SERINC3: variants seen among roughly 807,000 people sequenced by gnomAD.
SERINC3 encodes the protein serine incorporator 3, also known as tumor differentially expressed protein 1.
A neutral mutation model predicts 52.1 loss-of-function variants in SERINC3; 22 were observed. That is an observed-to-expected ratio of 0.42 (90% CI 0.30 to 0.60). The LOEUF (loss-of-function observed/expected upper bound fraction) is 0.60. SERINC3 is among the 20% of genes least tolerant of loss of function. SERINC3 has a pLI of 0.16. For missense variants in SERINC3, 564 were observed against 584.6 expected (o/e 0.96, Z 0.36); for synonymous variants, 226 against 212.7 (o/e 1.06, Z -0.54).
intron 6 of SERINC3, among the ~76,000 whole-genome samples, chr20:44,505,697 C>T (rs773424053): frequency 6.6e-6 from 1 of 152,024 alleles, no homozygotes; most frequent in Non-Finnish European, 1.5e-5. Flanking sequence ...CTCCAGGGTT[C>T]AGGCTATTCT....
chr20:44,516,309 A>G (rs1271630295), intron 1 of SERINC3, among the ~76,000 whole-genome samples: 2 of 152,178 alleles, frequency 1.3e-5, no homozygotes, highest in East Asian at 3.9e-4. Flanking sequence ...CTCAAAAAAA[A>G]AGAGTAACCT....
At chr20:44,511,213 C>T in intron 4 of SERINC3, 76 bp downstream of exon 4, 1 of 1,117,240 alleles carries the variant, frequency 9.0e-7, no homozygotes, top group South Asian at 1.3e-5. Context: ...TGCACCCGGC[C>T]TAAAATGTAG....
At chr20:44,515,106 C>A (rs2064372013) in intron 1 of SERINC3, among the ~76,000 whole-genome samples, 1 of 152,184 alleles carries the variant, frequency 6.6e-6, no homozygotes, top group African/African-American at 2.4e-5. Flanking sequence ...GTAATCCCAG[C>A]ACTTTGGGAG....
intron 1 of SERINC3, among the ~76,000 whole-genome samples, chr20:44,516,387 TTTTTC>T (rs905249914): frequency 1.3e-5 from 2 of 152,088 alleles, no homozygotes; most frequent in African/African-American, 4.8e-5. Flanking sequence ...TTTATTTCTT[TTTTTC>T]TTTTCTTTCT....
At chr20:44,515,318 C>T (rs768992245) in intron 1 of SERINC3, among the ~76,000 whole-genome samples, 1 of 152,178 alleles carries the variant, frequency 6.6e-6, no homozygotes, top group African/African-American at 2.4e-5. Context: ...CATGCCACTG[C>T]ACTCCAGCCT....
intron 3 of SERINC3, among the ~76,000 whole-genome samples, chr20:44,512,450 T>C (rs2064354117): frequency 6.6e-6 from 1 of 152,094 alleles, no homozygotes; most frequent in African/African-American, 2.4e-5. Context: ...ACTGTTTAAA[T>C]TTATCAGGTA....
intron 8 of SERINC3, among the ~76,000 whole-genome samples, chr20:44,502,104 C>G (rs2064283508): frequency 6.6e-6 from 1 of 152,174 alleles, no homozygotes; most frequent in Non-Finnish European, 1.5e-5. Flanking sequence ...TTCTATCCAA[C>G]AATGTAGTAA....
At position 44,522,026 on chromosome 20, in the gene SERINC3, T is replaced by G. The variant is rs561519604; in HGVS notation, c.-75A>C. On this transcript the variant is annotated 5_prime_UTR_variant, in exon 1 of 10. Transcript: ENST00000342374. The stretch of plus-strand genomic sequence containing the variant: ...GGTGGTAACTGCCAGCTGAGGTGAC[T>G]CCCCAGAAACATGACGGTTTCTCAG... 3.4e-6 allele frequency: 5 copies of G among 1,450,288 alleles called. No homozygotes were observed. In the South Asian group the frequency reaches 3.7e-5, roughly 11 times the overall value. The allele number at this position is 1,450,288 out of a possible 1,614,324, so 89.8% of individuals were successfully genotyped here.
At position 44,501,144 on chromosome 20, in the gene SERINC3, G is replaced by C. The variant is rs2064277147; in HGVS notation, c.1212C>G (p.Ser404Arg). Residue 404 changes from serine to arginine, a missense_variant, in exon 9 of 10, where the codon AGC becomes AGG. Ser to Arg is a moderately radical substitution (Grantham distance 110). Coordinates refer to ENST00000342374, the MANE Select transcript of SERINC3 (RefSeq NM_006811.4). ...VDNEKEGVQY[S>R]YSLFHLMLCL... ...AGAGCATGAGGTGGAATAAGGAGTA[G>C]CTATACTGCACTCCCTCTTTCTCGT... 3.1e-6 allele frequency: 5 copies of C among 1,613,964 alleles called. No individual in the cohort carries two copies. In the Admixed American group the frequency reaches 6.7e-5, roughly 22 times the overall value.
intron 7 of SERINC3, 60 bp downstream of exon 7, chr20:44,504,741 G>C: frequency 7.2e-7 from 1 of 1,391,284 alleles, no homozygotes; most frequent in Non-Finnish European, 1.0e-6. Flanking sequence ...TACCAACTAT[G>C]TAAAGGCTGA....
At chr20:44,504,186 G>T (rs2064297585) in intron 7 of SERINC3, among the ~76,000 whole-genome samples, 191 bp from the exon 8 acceptor site, 1 of 151,944 alleles carries the variant, frequency 6.6e-6, no homozygotes, top group Admixed American at 6.6e-5. Flanking sequence ...GAAAAAAAAA[G>T]AAAACAACAA....
chr20:44,519,916 G>A (rs188983824), intron 1 of SERINC3, among the ~76,000 whole-genome samples: 70 of 152,166 alleles, frequency 4.6e-4, no homozygotes, highest in African/African-American at 1.6e-3. Flanking sequence ...AATAACCAGC[G>A]TCTTTTTGTA....
rs544840548 is a variant in SERINC3 at position 44,503,661 on chromosome 20, T to C, written c.1055+154A>G. Among the ~76,000 whole-genome samples, 5 of 152,276 alleles carry C rather than the reference T, an allele frequency of 3.3e-5. 1 individual carries two copies. The highest frequency in any genetic ancestry group is 1.9e-4 in the East Asian group (1 of 5,182). On this transcript the variant is annotated intron_variant, in intron 8 of 9. Coordinates refer to ENST00000342374, the MANE Select transcript of SERINC3 (RefSeq NM_006811.4). Reference sequence around the variant, plus strand: ...AGACACTGTCTCAAAAAAATATATATGTACACAGCTCTGTAACTGAAGCAA... The same window carrying C: ...AGACACTGTCTCAAAAAAATATATACGTACACAGCTCTGTAACTGAAGCAA...
Position 44,514,138 on chromosome 20 carries a change from T to C in SERINC3, c.40-98A>G, listed in dbSNP as rs187729177. 27 of 1,278,016 alleles carry C rather than the reference T, an allele frequency of 2.1e-5. No individual in the cohort carries two copies. In the South Asian group the frequency reaches 2.8e-4, roughly 13 times the overall value. The allele number at this position is 1,278,016 out of a possible 1,614,324, so 79.2% of individuals were successfully genotyped here. A position where few individuals can be genotyped will look rare whatever the true frequency, so the allele number is the denominator to read the frequency against. The stretch of plus-strand genomic sequence containing the variant: ...AGAAAGCGAGGCAAATCAGGCTTTA[T>C]AGTTTTAACTCAGAGAATCATGGCT... On this transcript the variant is annotated intron_variant, in intron 1 of 9. Transcript: ENST00000342374.
Position 44,499,281 on chromosome 20 carries a change from T to C in SERINC3, c.*1015A>G, listed in dbSNP as rs2064265481. ...AAATGGTTCTTGACAATGCCTTCCG[T>C]CTCTCATCTACCAAGTGTCTTACCT... On this transcript the variant is annotated 3_prime_UTR_variant, in exon 10 of 10. Coordinates refer to ENST00000342374, the MANE Select transcript of SERINC3 (RefSeq NM_006811.4). 6.6e-6 allele frequency: 1 copy of C among 152,334 alleles called. No individual in the cohort carries two copies. The highest frequency in any genetic ancestry group is 2.4e-5 in the African/African-American group (1 of 41,450). The allele number at this position is 152,334 out of a possible 1,614,324, so 9.4% of individuals were successfully genotyped here.
intron 8 of SERINC3, among the ~76,000 whole-genome samples, chr20:44,503,189 G>C (rs2064290485): frequency 6.6e-6 from 1 of 152,110 alleles, no homozygotes; most frequent in African/African-American, 2.4e-5. Flanking sequence ...CCCCAATTTG[G>C]TCTATACAGA....
intron 5 of SERINC3, among the ~76,000 whole-genome samples, chr20:44,507,652 CT>C (rs1184492431): frequency 2.6e-5 from 4 of 152,112 alleles, no homozygotes; most frequent in Admixed American, 2.6e-4. Flanking sequence ...GGCTGGATTG[CT>C]TGAGCCTGAG....
At chr20:44,497,367 G>A (rs183894169), downstream of SERINC3, 4 of 152,268 alleles carry the variant, frequency 2.6e-5, no homozygotes, top group African/African-American at 9.6e-5. Context: ...CTTAAGGTAG[G>A]ACCAAGCAAA....
chr20:44,507,909 T>C (rs755826309), intron 5 of SERINC3, among the ~76,000 whole-genome samples: 1 of 152,110 alleles, frequency 6.6e-6, no homozygotes, highest in Admixed American at 6.6e-5. Flanking sequence ...CTCTGAAAAT[T>C]AGAAAACATG....
Sources: gnomAD v4.1 joint callset for allele counts (sites outside exome capture counted in the v4.1 genomes callset) on GRCh38, gnomAD v4.1.1 for gene constraint, MANE v1.5 for transcripts, NCBI Gene and HGNC (gene_info 2026-07-23, HGNC 2026-07-21) for gene names.